Variants in CUL2 observed in about 807,000 individuals in gnomAD.
CUL2 encodes the protein cullin 2.
A neutral mutation model predicts 110.2 loss-of-function variants in CUL2; 22 were observed. The ratio of observed to expected loss-of-function variants is 0.20; its 90% CI spans 0.14 to 0.28. CUL2 has a LOEUF of 0.28. Ranked by LOEUF, CUL2 falls within the 10% of genes least tolerant of loss-of-function variation. The probability of loss-of-function intolerance (pLI) is 1.00; values close to 1 mark genes in which losing one functional copy is unlikely to be tolerated. For missense variants in CUL2, 631 were observed against 905.5 expected (o/e 0.70, Z 3.89); for synonymous variants, 279 against 293.2 (o/e 0.95, Z 0.49).
intron 17 of CUL2, among the ~76,000 whole-genome samples, chr10:35,018,122 C>A (rs370071519): frequency 2.8e-3 from 363 of 131,128 alleles, no homozygotes; most frequent in Middle Eastern, 3.8e-3. Flanking sequence ...ACTAAAAATA[C>A]AAAAAAAAAA....
intron 9 of CUL2, among the ~76,000 whole-genome samples, chr10:35,037,311 T>C (rs2085647963): frequency 6.6e-6 from 1 of 152,250 alleles, no homozygotes; most frequent in Non-Finnish European, 1.5e-5. Flanking sequence ...CAGCGCCACC[T>C]TGGTCTTACA....
At chr10:35,113,161 G>A (rs2087541764) in intron 1 of CUL2, among the ~76,000 whole-genome samples, 1 of 106,050 alleles carries the variant, frequency 9.4e-6, no homozygotes, top group South Asian at 3.3e-4. Flanking sequence ...CAAGCCTGGA[G>A]ACAGAGCAAG....
At chr10:35,101,883 G>T (rs1254435956) in intron 1 of CUL2, among the ~76,000 whole-genome samples, 1 of 152,168 alleles carries the variant, frequency 6.6e-6, no homozygotes, top group African/African-American at 2.4e-5. Flanking sequence ...AACTAACAGA[G>T]CATGAAAAAC....
At chr10:35,120,975 T>C (rs187051362) in intron 1 of CUL2, among the ~76,000 whole-genome samples, 2 of 151,886 alleles carry the variant, frequency 1.3e-5, no homozygotes, top group East Asian at 3.9e-4. Flanking sequence ...TTCCCTTATG[T>C]TTTATAGAGA....
intron 1 of CUL2, among the ~76,000 whole-genome samples, chr10:35,075,254 TC>T (rs1037898401): frequency 2.0e-5 from 3 of 152,164 alleles, no homozygotes; most frequent in Non-Finnish European, 2.9e-5. Context: ...AGACAGTCTG[TC>T]AAGATTCTCT....
chr10:35,034,514 G>A (rs193066965), intron 10 of CUL2, among the ~76,000 whole-genome samples: 145 of 152,292 alleles, frequency 9.5e-4, no homozygotes, highest in African/African-American at 3.2e-3. Context: ...TCTTATAGAT[G>A]AAGGGCAAAC....
chr10:35,052,153 T>C (rs2086127718), intron 5 of CUL2, among the ~76,000 whole-genome samples: 1 of 152,242 alleles, frequency 6.6e-6, no homozygotes, highest in South Asian at 2.1e-4. Flanking sequence ...AGATAGGCTG[T>C]TGCTAGCCTC....
chr10:35,031,157 T>C lies in CUL2; in HGVS notation c.1386+143A>G, dbSNP rs1235693040. 1.8e-6 allele frequency: 1 copy of C among 557,556 alleles called. No individual in the cohort carries two copies. Among genetic ancestry groups the C allele is most frequent in the Non-Finnish European group, 3.2e-6 (1 of 317,182 alleles). The allele number at this position is 557,556 out of a possible 1,614,324, so 34.5% of individuals were successfully genotyped here. On this transcript the variant is annotated intron_variant, in intron 14 of 20. Coordinates refer to ENST00000374749, the MANE Select transcript of CUL2 (RefSeq NM_003591.4). The surrounding 1 kb of genome is among the most constrained non-coding windows in gnomAD (Gnocchi z 4.4). Reference sequence around the variant, plus strand: ...CATTTTGTCCTTTTAATACAGTATTTGTATATCCCACTGTGTGACTACACA... The same window carrying C: ...CATTTTGTCCTTTTAATACAGTATTCGTATATCCCACTGTGTGACTACACA...
intron 1 of CUL2, among the ~76,000 whole-genome samples, chr10:35,102,720 T>C (rs1791540069): frequency 6.6e-6 from 1 of 151,834 alleles, no homozygotes. Flanking sequence ...TTGTCTCTAC[T>C]AAAAATGCAA....
rs915597132 is a variant in CUL2, at chr10:35,049,762, C to T, written c.427G>A (p.Ala143Thr). The T allele has an allele frequency of 6.8e-6, 11 of 1,611,178 alleles. No individual in the cohort carries two copies. The highest frequency in any genetic ancestry group is 7.6e-6 in the Non-Finnish European group (9 of 1,178,348). ...NEPLMEIGEL[A>T]LDMWRKLMVE... ...ATCAATTTCCTCCACATATCCAATG[C>T]TAGCTGCCGGGAAAAACGAAAATCA... Residue 143 changes from alanine (A) to threonine (T), a missense_variant, in exon 6 of 21, where the codon GCA becomes ACA. Coordinates refer to ENST00000374749, the MANE Select transcript of CUL2 (RefSeq NM_003591.4).
intron 1 of CUL2, among the ~76,000 whole-genome samples, chr10:35,081,527 C>A (rs2086947264): frequency 6.6e-6 from 1 of 152,178 alleles, no homozygotes. Context: ...CATGACTAGG[C>A]AAGCCCATCG....
intron 8 of CUL2, among the ~76,000 whole-genome samples, chr10:35,042,934 G>A (rs2085832340): frequency 6.6e-6 from 1 of 151,980 alleles, no homozygotes; most frequent in Non-Finnish European, 1.5e-5. Flanking sequence ...CCCAAACTGT[G>A]GGATTAGCCA....
intron 1 of CUL2, among the ~76,000 whole-genome samples, chr10:35,126,315 A>C (rs1355481873): frequency 6.6e-6 from 1 of 152,202 alleles, no homozygotes; most frequent in East Asian, 1.9e-4. Context: ...GAAGCAGGTG[A>C]ATTGTCTCAG....
intron 2 of CUL2, among the ~76,000 whole-genome samples, chr10:35,063,693 C>T (rs1428786833): frequency 1.3e-5 from 2 of 151,092 alleles, no homozygotes; most frequent in Non-Finnish European, 2.9e-5. Flanking sequence ...GAGACTTTAC[C>T]TTTCACTAGC....
chr10:35,053,199 T>A (rs147364097), intron 5 of CUL2, among the ~76,000 whole-genome samples: 20 of 152,292 alleles, frequency 1.3e-4, no homozygotes, highest in African/African-American at 4.3e-4. Flanking sequence ...AAGAGAAGTG[T>A]GCTTGACAGT....
At chr10:35,098,033 GCTCAGAA>G (rs1032760817) in intron 2 of CUL2, 7 of 152,064 alleles carry the variant, frequency 4.6e-5, no homozygotes, top group Admixed American at 3.9e-4. Flanking sequence ...AATCGGAAAA[GCTCAGAA>G]CTCATATCAT....
intron 15 of CUL2, 66 bp from the exon 16 acceptor site, chr10:35,028,953 T>A: frequency 1.0e-6 from 1 of 977,116 alleles, no homozygotes; most frequent in South Asian, 1.7e-5. Context: ...AGTAAATATT[T>A]ATTAAATAAT....
At chr10:35,026,574 T>G (rs1401749502) in intron 16 of CUL2, among the ~76,000 whole-genome samples, 2 of 152,220 alleles carry the variant, frequency 1.3e-5, no homozygotes. Context: ...TCAGTAGTAC[T>G]ATTTGGTAAA....
chr10:35,061,662 A>C (rs929247375), intron 3 of CUL2, among the ~76,000 whole-genome samples: 5 of 152,174 alleles, frequency 3.3e-5, no homozygotes, highest in Admixed American at 2.0e-4. Context: ...CAGATAAATG[A>C]TCACATTAGA....
Sources: allele counts gnomAD v4.1 joint callset (sites outside exome capture counted in the v4.1 genomes callset), GRCh38; gene constraint gnomAD v4.1.1; non-coding constraint Gnocchi (gnomAD v3.1); transcripts MANE v1.5; gene names NCBI Gene and HGNC (gene_info 2026-07-23, HGNC 2026-07-21).